The following ULK4 variants were observed in gnomAD, a reference collection of about 807,000 sequenced individuals.
ULK4 encodes the protein unc-51 like kinase 4, also known as inactive serine/threonine-protein kinase ULK4.
A neutral mutation model predicts 160.6 loss-of-function variants in ULK4; 133 were observed. The observed-to-expected ratio is 0.83, with a 90% confidence interval of 0.72 to 0.96. The LOEUF (loss-of-function observed/expected upper bound fraction) is 0.96. ULK4 is among the 40% of genes least tolerant of loss of function. ULK4 has a pLI of 0.00. For synonymous variants in ULK4, 534 were observed against 539.8 expected, an observed-to-expected ratio of 0.99 and a Z score of 0.15; for missense variants, 1,580 against 1,499.5, an observed-to-expected ratio of 1.05 and a Z score of -0.89.
At chr3:41,559,935 C>T (rs2087498474) in intron 32 of ULK4, among the ~76,000 whole-genome samples, 2 of 152,118 alleles carry the variant, frequency 1.3e-5, no homozygotes, top group Non-Finnish European at 2.9e-5. Flanking sequence ...GTCATGAAGC[C>T]CTTGCCCATG....
At chr3:41,566,350 C>T (rs187658642) in intron 31 of ULK4, among the ~76,000 whole-genome samples, 1 of 152,306 alleles carries the variant, frequency 6.6e-6, no homozygotes, top group Admixed American at 6.5e-5. Flanking sequence ...ACCAGTGCTG[C>T]AGCACAGACT....
chr3:41,382,522 A>C (rs1297153450), intron 35 of ULK4, among the ~76,000 whole-genome samples: 1 of 152,216 alleles, frequency 6.6e-6, no homozygotes, highest in Non-Finnish European at 1.5e-5. Flanking sequence ...TGCCAGTTTA[A>C]ATGAATCTAT....
intron 21 of ULK4, among the ~76,000 whole-genome samples, chr3:41,764,715 T>C (rs1341255677): frequency 2.0e-5 from 3 of 152,272 alleles, no homozygotes; most frequent in Non-Finnish European, 4.4e-5. Context: ...CAGGAAGACC[T>C]GGCTTCAAAT....
chr3:41,757,144 C>A (rs1383071074), intron 21 of ULK4, among the ~76,000 whole-genome samples: 1 of 151,946 alleles, frequency 6.6e-6, no homozygotes, highest in Non-Finnish European at 1.5e-5. Flanking sequence ...AACTTAAGAA[C>A]TAAGAAAGTA....
At chr3:41,800,646 A>G (rs1256181743) in intron 19 of ULK4, among the ~76,000 whole-genome samples, 1 of 152,226 alleles carries the variant, frequency 6.6e-6, no homozygotes, top group Non-Finnish European at 1.5e-5. Flanking sequence ...ACTGGAAGAT[A>G]ATTTTAAAAT....
rs150198013 is a variant in ULK4 at position 41,664,460 on chromosome 3, C to T, written c.2979-761G>A. On this transcript the variant is annotated intron_variant, in intron 29 of 36. Transcript: ENST00000301831. ...TTCCCCCAGCAATCAAAATGCAGCA[C>T]GTGTGTGTGATGTTTCTGCCCAAGG... Among the ~76,000 whole-genome samples the T allele has an allele frequency of 2.9e-3, 438 of 152,212 alleles. 1 individual carries two copies. Among genetic ancestry groups the T allele is most frequent in the South Asian group, 6.8e-3 (33 of 4,822 alleles).
At chr3:41,807,356 T>C (rs941377739) in intron 19 of ULK4, among the ~76,000 whole-genome samples, 6 of 152,150 alleles carry the variant, frequency 3.9e-5, no homozygotes, top group Non-Finnish European at 8.8e-5. Flanking sequence ...AATTCAACTT[T>C]AGAAATTTTT....
chr3:41,718,120 C>T (rs537643976), intron 22 of ULK4, among the ~76,000 whole-genome samples: 252 of 152,324 alleles, frequency 1.7e-3, no homozygotes, highest in African/African-American at 5.7e-3. Context: ...GAACAATATT[C>T]TCCAGGTGAT....
intron 17 of ULK4, chr3:41,882,360 GT>G (rs1697554366): frequency 1.4e-6 from 1 of 690,176 alleles, no homozygotes; most frequent in African/African-American, 1.8e-5. Flanking sequence ...GAACAATGGG[GT>G]TTGGAAATTA....
At chr3:41,407,368 C>T (rs1375339111) in intron 34 of ULK4, among the ~76,000 whole-genome samples, 1 of 152,110 alleles carries the variant, frequency 6.6e-6, no homozygotes, top group African/African-American at 2.4e-5. Flanking sequence ...GAGGTCAGTA[C>T]TACCCTGATA....
At chr3:41,284,913 A>G (rs2079428911) in intron 35 of ULK4, among the ~76,000 whole-genome samples, 1 of 152,202 alleles carries the variant, frequency 6.6e-6, no homozygotes, top group Non-Finnish European at 1.5e-5. Flanking sequence ...AAAGAAACCC[A>G]TCAAAAAGTA....
intron 22 of ULK4, among the ~76,000 whole-genome samples, chr3:41,742,368 G>A (rs1374053849): frequency 6.6e-6 from 1 of 151,950 alleles, no homozygotes; most frequent in Non-Finnish European, 1.5e-5. Context: ...TTTCCCTGCT[G>A]TGACAGTATT....
At chr3:41,636,377 AT>A (rs2033950232) in intron 30 of ULK4, among the ~76,000 whole-genome samples, 1 of 152,070 alleles carries the variant, frequency 6.6e-6, no homozygotes, top group South Asian at 2.1e-4. Flanking sequence ...TTTACAAAAA[AT>A]ACAAAAATTA....
At chr3:41,706,384 ATT>A (rs2036884604) in intron 25 of ULK4, among the ~76,000 whole-genome samples, 1 of 146,116 alleles carries the variant, frequency 6.8e-6, no homozygotes, top group African/African-American at 2.5e-5. Flanking sequence ...TAATATATAT[ATT>A]TATATATATT....
chr3:41,487,286 T>C (rs2084573627), intron 32 of ULK4, among the ~76,000 whole-genome samples: 1 of 152,076 alleles, frequency 6.6e-6, no homozygotes, highest in South Asian at 2.1e-4. Context: ...TGGCATATAA[T>C]TAATATTGGT....
intron 22 of ULK4, among the ~76,000 whole-genome samples, chr3:41,741,015 A>T (rs2038223562): frequency 6.6e-6 from 1 of 151,960 alleles, no homozygotes. Context: ...AATAATTTAT[A>T]TTACTAAATT....
At chr3:41,486,986 T>G (rs1041622678) in intron 32 of ULK4, among the ~76,000 whole-genome samples, 18 of 152,158 alleles carry the variant, frequency 1.2e-4, no homozygotes, top group African/African-American at 4.3e-4. Context: ...AAAATTATCA[T>G]CAATTATAGA....
Position 41,761,546 on chromosome 3 carries a change from C to T in ULK4, c.2194-7058G>A, listed in dbSNP as rs910634638. On this transcript the variant is annotated intron_variant, in intron 21 of 36. Transcript: ENST00000301831. ...CAAGAAGCAATAAAATATTTTATCA[C>T]ACTACTGTCAGTCTGAGACTTTCAA... is the stretch of plus-strand genomic sequence containing the variant. 2.0e-5 allele frequency among the ~76,000 whole-genome samples: 3 copies of T among 151,590 alleles called. No homozygotes were observed. The East Asian group carries it at 5.8e-4, about 29-fold the overall frequency.
At chr3:41,958,610 G>A (rs1305497141) in intron 1 of ULK4, among the ~76,000 whole-genome samples, 2 of 151,646 alleles carry the variant, frequency 1.3e-5, no homozygotes, top group Non-Finnish European at 2.9e-5. Flanking sequence ...TACTCAAGAA[G>A]GTGAGGTAGG....
Sources: allele counts gnomAD v4.1 joint callset (sites outside exome capture counted in the v4.1 genomes callset), GRCh38; gene constraint gnomAD v4.1.1; transcripts MANE v1.5; gene names NCBI Gene and HGNC (gene_info 2026-07-23, HGNC 2026-07-21).